TRPM7: variants seen among roughly 807,000 people sequenced by gnomAD.
The protein encoded by TRPM7 is transient receptor potential cation channel subfamily M member 7, also known as LTRPC ion channel family member 7.
TRPM7 carries 134 observed loss-of-function variants against 229.7 expected under a neutral mutation model. The observed-to-expected ratio is 0.58, with a 90% confidence interval of 0.51 to 0.67. The LOEUF is 0.67. TRPM7 is among the 30% of genes least tolerant of loss of function. The pLI, the probability that TRPM7 is intolerant of heterozygous loss-of-function variation, is 0.00. For missense variants in TRPM7, 1,901 were observed against 2,210.0 expected (o/e 0.86, Z 2.80); for synonymous variants, 699 against 715.2 (o/e 0.98, Z 0.36).
chr15:50,577,398 T>G (rs1306908790), intron 31 of TRPM7, among the ~76,000 whole-genome samples: 1 of 151,786 alleles, frequency 6.6e-6, no homozygotes, highest in South Asian at 2.1e-4. Context: ...AACACAGAAA[T>G]TAGCCGGATG....
At chr15:50,587,353 T>C (rs1001615061) in intron 27 of TRPM7, among the ~76,000 whole-genome samples, 11 of 151,848 alleles carry the variant, frequency 7.2e-5, no homozygotes, top group African/African-American at 2.7e-4. Flanking sequence ...TATTTTTCTA[T>C]TATTTATGTG....
intron 1 of TRPM7, among the ~76,000 whole-genome samples, chr15:50,677,209 G>A (rs1460304855): frequency 6.6e-6 from 1 of 152,090 alleles, no homozygotes; most frequent in African/African-American, 2.4e-5. Context: ...AGTGAAGAGG[G>A]AGTGAATAAG....
At chr15:50,667,383 T>C (rs2061909036) in intron 1 of TRPM7, among the ~76,000 whole-genome samples, 2 of 152,316 alleles carry the variant, frequency 1.3e-5, no homozygotes, top group South Asian at 2.1e-4. Context: ...GTGTATGATA[T>C]GAAAGAGCTT....
At chr15:50,607,009 G>A (rs1432900413) in intron 20 of TRPM7, among the ~76,000 whole-genome samples, 191 bp downstream of exon 20, 1 of 151,972 alleles carries the variant, frequency 6.6e-6, no homozygotes, top group African/African-American at 2.4e-5. Flanking sequence ...TGGCAACAAA[G>A]TATACAGCAT....
intron 38 of TRPM7, among the ~76,000 whole-genome samples, chr15:50,564,248 AAAAATAAAATAAAATAAAAT>A (rs58216853): frequency 0.036 from 4,499 of 124,754 alleles, 252 homozygotes; most frequent in African/African-American, 0.1. Flanking sequence ...GACTGTCTCA[AAAAATAAAATAAAATAAAAT>A]AAAATAAAAT....
At chr15:50,609,286 T>A (rs2140462115) in intron 19 of TRPM7, among the ~76,000 whole-genome samples, 1 of 152,328 alleles carries the variant, frequency 6.6e-6, no homozygotes, top group South Asian at 2.1e-4. Context: ...TTTTGGTCCA[T>A]CTTTTATCAT....
intron 2 of TRPM7, among the ~76,000 whole-genome samples, chr15:50,659,349 G>A (rs756549485): frequency 2.0e-5 from 3 of 152,146 alleles, no homozygotes; most frequent in Non-Finnish European, 4.4e-5. Context: ...CCAAGGAATG[G>A]ATAACATCAG....
chr15:50,570,994 C>T (rs59036721), intron 36 of TRPM7, among the ~76,000 whole-genome samples: 3,106 of 152,218 alleles, frequency 0.02, 123 homozygotes, highest in African/African-American at 0.072. Context: ...TCTTCACCTC[C>T]AGCCCTCTCC....
intron 26 of TRPM7, among the ~76,000 whole-genome samples, chr15:50,590,192 A>G (rs2059451660): frequency 6.6e-6 from 1 of 152,072 alleles, no homozygotes; most frequent in African/African-American, 2.4e-5. Context: ...GTTAAAAGCC[A>G]AAGTCCTTAT....
At chr15:50,603,558 C>T (rs944586358) in intron 21 of TRPM7, among the ~76,000 whole-genome samples, 6 of 151,154 alleles carry the variant, frequency 4.0e-5, no homozygotes, top group South Asian at 4.2e-4. Context: ...TGAGAACATG[C>T]GGTGTTTGGT....
At chr15:50,621,890 C>T (rs563570799) in intron 12 of TRPM7, among the ~76,000 whole-genome samples, 7 of 151,966 alleles carry the variant, frequency 4.6e-5, no homozygotes, top group Non-Finnish European at 7.4e-5. Context: ...ATTAGCTGGG[C>T]GTGGTGGTGG....
intron 3 of TRPM7, 132 bp downstream of exon 3, chr15:50,657,649 C>G: frequency 1.3e-6 from 1 of 751,752 alleles, no homozygotes; most frequent in Non-Finnish European, 2.1e-6. Flanking sequence ...CTTCACCTTC[C>G]AAGTCTAGGT....
At chr15:50,674,016 T>C (rs2062044832) in intron 1 of TRPM7, among the ~76,000 whole-genome samples, 1 of 152,008 alleles carries the variant, frequency 6.6e-6, no homozygotes, top group Non-Finnish European at 1.5e-5. Context: ...TGAGATGGAG[T>C]TTTACTCTGT....
chr15:50,671,798 T>C (rs1017643436), intron 1 of TRPM7, among the ~76,000 whole-genome samples: 3 of 151,624 alleles, frequency 2.0e-5, no homozygotes, highest in Non-Finnish European at 4.4e-5. Context: ...TGAGAGAACT[T>C]GTCTCGAAAA....
chr15:50,657,542 G>A (rs1474729780), intron 3 of TRPM7, among the ~76,000 whole-genome samples: 1 of 152,060 alleles, frequency 6.6e-6, no homozygotes, highest in Non-Finnish European at 1.5e-5. Context: ...TGCTCTCGCT[G>A]CCTAAAATTC....
chr15:50,648,570 T>C (rs772661145), intron 4 of TRPM7, 117 bp downstream of exon 4: 91 of 845,748 alleles, frequency 1.1e-4, no homozygotes, highest in Non-Finnish European at 1.5e-4. Flanking sequence ...ACCTTTGTAC[T>C]TTAAAATATA....
intron 25 of TRPM7, among the ~76,000 whole-genome samples, chr15:50,593,307 AAATAAT>A (rs994317471): frequency 4.0e-5 from 6 of 151,824 alleles, no homozygotes; most frequent in Non-Finnish European, 5.9e-5. Context: ...AAAATAAAAT[AAATAAT>A]AATAATAATG....
intron 38 of TRPM7, among the ~76,000 whole-genome samples, chr15:50,562,109 T>C (rs62021061): frequency 0.15 from 22,174 of 151,992 alleles, 2,209 homozygotes; most frequent in Admixed American, 0.28. Context: ...TTGGTCAGGC[T>C]GGTCTTGAAC....
intron 1 of TRPM7, among the ~76,000 whole-genome samples, chr15:50,685,769 A>T (rs943096382): frequency 6.6e-6 from 1 of 152,188 alleles, no homozygotes. Context: ...CGGAAGCTGC[A>T]ATGCACCGCC....
Sources: allele counts gnomAD v4.1 joint callset (sites outside exome capture counted in the v4.1 genomes callset), GRCh38; gene constraint gnomAD v4.1.1; transcripts MANE v1.5; gene names NCBI Gene and HGNC (gene_info 2026-07-23, HGNC 2026-07-21).